ZBTB17: variants seen among roughly 807,000 people sequenced by gnomAD.
The protein encoded by ZBTB17 is zinc finger and BTB domain-containing protein 17.
In ZBTB17, 24 loss-of-function variants were observed where a neutral mutation model predicts 85.1. The ratio of observed to expected loss-of-function variants is 0.28; its 90% confidence interval spans 0.20 to 0.40. The LOEUF (loss-of-function observed/expected upper bound fraction) is 0.40, where lower values mean the gene tolerates loss of function less well. Ranked by LOEUF, ZBTB17 falls within the 10% of genes least tolerant of loss-of-function variation. The pLI is 1.00. For missense variants in ZBTB17, 743 were observed against 1,105.1 expected (o/e 0.67, Z 4.65); for synonymous variants, 464 against 460.2 (o/e 1.01, Z -0.11).
chr1:15,942,858 T>C, intron 13 of ZBTB17, 120 bp from the exon 14 acceptor site: 1 of 1,374,992 alleles, frequency 7.3e-7, no homozygotes, highest in Non-Finnish European at 9.9e-7. Context: ...TGCTCTGGGG[T>C]GGCTGCACGG....
At position 15,966,869 on chromosome 1, in the gene ZBTB17, C is replaced by T. The variant is rs1468278272; in HGVS notation, c.-3+6170G>A. ...GCTGCAGTGAGCTATAATCCCAGCA[C>T]TGCACTCCAACCTGGGCGAAAGAGC... On this transcript the variant is annotated intron_variant, in intron 2 of 15. Transcript: ENST00000375743. The surrounding 1 kb of genome is among the most constrained non-coding windows in gnomAD (Gnocchi z 4.1). Among the ~76,000 whole-genome samples the T allele has an allele frequency of 1.3e-5, 2 of 151,500 alleles. No individual in the cohort carries two copies. The highest frequency in any genetic ancestry group is 2.9e-5 in the Non-Finnish European group (2 of 67,908).
At chr1:15,963,988 C>T (rs549143009) in intron 2 of ZBTB17, among the ~76,000 whole-genome samples, 5 of 151,592 alleles carry the variant, frequency 3.3e-5, no homozygotes, top group African/African-American at 1.2e-4. Context: ...GGTGTGGTGG[C>T]GAGTGCCTGT....
intron 10 of ZBTB17, 46 bp downstream of exon 10, chr1:15,943,762 C>G (rs2071459157): frequency 6.2e-7 from 1 of 1,612,354 alleles, no homozygotes; most frequent in Admixed American, 1.7e-5. Context: ...CCACCGGTGG[C>G]CGAGGAGCAG....
chr1:15,944,521 G>T lies in ZBTB17; in HGVS notation c.1150C>A (p.His384Asn). Reference protein sequence around the residue: ...ISLLNLHKKRHSGEARYRCED... With the variant: ...ISLLNLHKKRNSGEARYRCED... ...CAGCGGTAGCGCGCCTCGCCCGAGT[G>T]CCGCTTCTTGTGCAGGTTCAGCAGG... Residue 384 changes from histidine (H) to asparagine (N), a missense_variant, in exon 9 of 16, where the codon CAC becomes AAC. His to Asn is a moderately conservative substitution (Grantham distance 68). This residue lies in a region of ZBTB17 where 321 missense variants were observed against 615.7 expected (regional missense o/e 0.52). Coordinates refer to ENST00000375743, the MANE Select transcript of ZBTB17 (RefSeq NM_003443.3). The T allele has an allele frequency of 7.5e-6, 12 of 1,591,386 alleles. No individual in the cohort carries two copies. The highest frequency in any genetic ancestry group is 1.0e-5 in the Non-Finnish European group (12 of 1,173,554).
At chr1:15,949,285 G>A (rs940399904) in intron 2 of ZBTB17, among the ~76,000 whole-genome samples, 2 of 152,114 alleles carry the variant, frequency 1.3e-5, no homozygotes, top group African/African-American at 2.4e-5. Flanking sequence ...GCCCAGTGCC[G>A]AGCAGTCTTG....
At chr1:15,944,875 AGCCGGTGGGAG>A in intron 7 of ZBTB17, 36 bp from the exon 8 acceptor site, 2 of 1,568,540 alleles carry the variant, frequency 1.3e-6, no homozygotes, top group Non-Finnish European at 1.7e-6. Context: ...TGTGAGGAGC[AGCCGGTGGGAG>A]GCCGGAGGGG....
intron 2 of ZBTB17, among the ~76,000 whole-genome samples, chr1:15,968,246 G>A (rs1365524008): frequency 6.6e-6 from 1 of 152,146 alleles, no homozygotes; most frequent in Admixed American, 6.5e-5. Context: ...CAATAAACAA[G>A]AAGCATGCTC....
Position 15,951,252 on chromosome 1 carries a change from G to A in ZBTB17, c.-2-2755C>T, listed in dbSNP as rs184131705. ...AGAAAACAGGAGAAATGATAAGAAG[G>A]GGGGAGGAAGAAGTGAAGATGGGCA... On this transcript the variant is annotated intron_variant, in intron 2 of 15. Coordinates refer to ENST00000375743, the MANE Select transcript of ZBTB17 (RefSeq NM_003443.3). The surrounding 1 kb of genome is among the most constrained non-coding windows in gnomAD (Gnocchi z 4.1). 2.0e-5 allele frequency among the ~76,000 whole-genome samples: 3 copies of A among 151,454 alleles called. No individual in the cohort carries two copies. The highest frequency in any genetic ancestry group is 2.9e-5 in the Non-Finnish European group (2 of 67,890).
intron 9 of ZBTB17, 115 bp downstream of exon 9, chr1:15,944,185 C>T: frequency 7.2e-7 from 1 of 1,398,326 alleles, no homozygotes; most frequent in Non-Finnish European, 9.7e-7. Context: ...GGTGAACAAG[C>T]TGATGAGCTC....
rs142017722 is a variant in ZBTB17, at chr1:15,945,060, A to G, written c.804T>C (p.Asn268=). The G allele has an allele frequency of 6.0e-4, 973 of 1,611,566 alleles. 5 individuals are homozygous for G. The African/African-American group carries it at 0.012, about 19-fold the overall frequency. Residue 268 remains asparagine, a synonymous_variant, in exon 7 of 16, where the codon AAT becomes AAC. Transcript: ENST00000375743. ...CCGAGTCTGTGCCCGCTGACTCCTCATTCTCGTTCTCCTCGGGGGCCTCTC... is the reference window on the plus strand; with the variant it reads ...CCGAGTCTGTGCCCGCTGACTCCTCGTTCTCGTTCTCCTCGGGGGCCTCTC... ...ENGEAPEENE[N]EESAGTDSGQ...
In ZBTB17 at chr1:15,943,160, G is replaced by A. The variant is rs1196480498; in HGVS notation, c.1732C>T (p.Arg578Cys). 6.2e-7 allele frequency: 1 copy of A among 1,614,162 alleles called. No homozygotes were observed. Among genetic ancestry groups the A allele is most frequent in the Non-Finnish European group, 8.5e-7 (1 of 1,180,006 alleles). The change falls in exon 13 of 16, where the codon CGC (arginine) becomes TGC (cysteine). Residue 578 changes from arginine (R) to cysteine (C), a missense_variant. Arg to Cys is a radical substitution (Grantham distance 180). This residue lies in a region of ZBTB17 where 321 missense variants were observed against 615.7 expected (regional missense o/e 0.52). Transcript: ENST00000375743. ...TGTGGGCGGATGTTGTCGTGGTGGC[G>A]AATATGATTGGCCAACTGGCTGGAC... The part of the protein sequence containing the change: ...VQSSQLANHI[R>C]HHDNIRPHKC...
chr1:15,946,234 T>G lies in ZBTB17; in HGVS notation c.455A>C (p.Gln152Pro). 6.2e-7 allele frequency: 1 copy of G among 1,613,772 alleles called. No homozygotes were observed. The highest frequency in any genetic ancestry group is 8.5e-7 in the Non-Finnish European group (1 of 1,180,004). ...GCCTATGGGTGTGCTGCGTCCTGCCTGCTCCAGCCTGCTCAGCGTGCTGGT... is the reference window on the plus strand; with the variant it reads ...GCCTATGGGTGTGCTGCGTCCTGCCGGCTCCAGCCTGCTCAGCGTGCTGGT... ...VATSTLSRLE[Q>P]AGRSTPIGPS... Residue 152 changes from glutamine (Q) to proline (P), a missense_variant, in exon 5 of 16, where the codon CAG becomes CCG. Around this residue, in one of 4 missense-constraint regions of ZBTB17, gnomAD observed 279 missense variants for 269.9 expected, o/e 1.03. Transcript: ENST00000375743.
At chr1:15,947,333 G>GT in intron 3 of ZBTB17, 1 of 586,068 alleles carries the variant, frequency 1.7e-6, no homozygotes, top group South Asian at 2.2e-5. Context: ...CTCGCTGAGG[G>GT]TCTGAATGCC....
chr1:15,972,803 C>A (rs1215457086), intron 2 of ZBTB17, among the ~76,000 whole-genome samples: 1 of 152,318 alleles, frequency 6.6e-6, no homozygotes, highest in South Asian at 2.1e-4. Flanking sequence ...CTGTAGATTT[C>A]ACCTAACTAA....
At chr1:15,950,730 C>T (rs2071801935) in intron 2 of ZBTB17, among the ~76,000 whole-genome samples, 1 of 152,232 alleles carries the variant, frequency 6.6e-6, no homozygotes, top group Non-Finnish European at 1.5e-5. Context: ...GCTGAACCCC[C>T]AGAGGTACAA....
chr1:15,948,559 G>A, intron 2 of ZBTB17, 62 bp from the exon 3 acceptor site: 2 of 1,535,236 alleles, frequency 1.3e-6, no homozygotes, highest in South Asian at 1.2e-5. Flanking sequence ...ACGCTCAACA[G>A]TCACTCCTAA....
rs532299078 is a variant in ZBTB17, at chr1:15,965,489, G to T, written c.-3+7550C>A. Among the ~76,000 whole-genome samples the T allele has an allele frequency of 2.0e-5, 3 of 152,326 alleles. No individual in the cohort carries two copies. The East Asian group carries it at 5.8e-4, about 29-fold the overall frequency. On this transcript the variant is annotated intron_variant, in intron 2 of 15. Transcript: ENST00000375743. ...GAGAGGATATGAGGCAAACGGAATTGTTGAAGGGTAAACTGGGGAAACAGT... is the reference window on the plus strand; with the variant it reads ...GAGAGGATATGAGGCAAACGGAATTTTTGAAGGGTAAACTGGGGAAACAGT...
chr1:15,971,434 C>CTATATAT (rs1557799544), intron 2 of ZBTB17, among the ~76,000 whole-genome samples: 4 of 117,708 alleles, frequency 3.4e-5, no homozygotes, highest in Admixed American at 1.7e-4. Flanking sequence ...TATATACACA[C>CTATATAT]ACACTATATA....
chr1:15,947,371 A>T, intron 3 of ZBTB17: 2 of 518,706 alleles, frequency 3.9e-6, no homozygotes, highest in Non-Finnish European at 3.5e-6. Context: ...AAAAGGTGTG[A>T]ACGCCCACCC....
Sources: allele counts gnomAD v4.1 joint callset (sites outside exome capture counted in the v4.1 genomes callset), GRCh38; gene constraint gnomAD v4.1.1; regional missense constraint gnomAD v4.1.1; non-coding constraint Gnocchi (gnomAD v3.1); transcripts MANE v1.5; gene names NCBI Gene and HGNC (gene_info 2026-07-23, HGNC 2026-07-21).